The following SLC24A3 variants were observed in gnomAD, a reference collection of about 807,000 sequenced individuals.
The protein encoded by SLC24A3 is solute carrier family 24 member 3.
SLC24A3 carries 28 observed loss-of-function variants against 75.8 expected under a neutral mutation model. The observed-to-expected ratio is 0.37, with a 90% CI of 0.27 to 0.51. The LOEUF (loss-of-function observed/expected upper bound fraction) is 0.51. Among genes scored for constraint, SLC24A3 ranks in the 20% least tolerant of loss-of-function variants. SLC24A3 has a pLI of 0.94. For synonymous variants in SLC24A3, 372 were observed against 334.1 expected, an observed-to-expected ratio of 1.11 and a Z score of -1.24; for missense variants, 663 against 847.8, an observed-to-expected ratio of 0.78 and a Z score of 2.71.
intron 1 of SLC24A3, among the ~76,000 whole-genome samples, chr20:19,275,809 T>TC (rs982359359): frequency 6.6e-6 from 1 of 152,094 alleles, no homozygotes; most frequent in African/African-American, 2.4e-5. Flanking sequence ...TCCCGTGCTA[T>TC]CCCCATGGCC....
intron 1 of SLC24A3, among the ~76,000 whole-genome samples, chr20:19,272,566 A>G (rs148364784): frequency 5.2e-4 from 79 of 152,384 alleles, no homozygotes; most frequent in African/African-American, 1.8e-3. Flanking sequence ...CAAGGCTGTC[A>G]TGCAGACAGT....
intron 2 of SLC24A3, among the ~76,000 whole-genome samples, chr20:19,455,335 T>TAACC (rs1385703083): frequency 6.6e-6 from 1 of 152,208 alleles, no homozygotes; most frequent in African/African-American, 2.4e-5. Flanking sequence ...CACTATTAGG[T>TAACC]AACCAGATAA....
intron 1 of SLC24A3, among the ~76,000 whole-genome samples, chr20:19,231,715 A>G (rs937629100): frequency 1.3e-5 from 2 of 152,206 alleles, no homozygotes; most frequent in African/African-American, 4.8e-5. Context: ...AAAGCCAGTA[A>G]GTTTGTGGTA....
At chr20:19,335,416 G>A (rs1985108566) in intron 2 of SLC24A3, among the ~76,000 whole-genome samples, 1 of 152,220 alleles carries the variant, frequency 6.6e-6, no homozygotes, top group Non-Finnish European at 1.5e-5. Context: ...GAGGACCACT[G>A]TAGGAAATTG....
At chr20:19,332,422 G>A (rs1345402808) in intron 2 of SLC24A3, among the ~76,000 whole-genome samples, 1 of 152,048 alleles carries the variant, frequency 6.6e-6, no homozygotes, top group Admixed American at 6.5e-5. Context: ...GCATGATTCC[G>A]GCACACCATC....
At chr20:19,388,555 C>T (rs1986311501) in intron 2 of SLC24A3, among the ~76,000 whole-genome samples, 1 of 152,086 alleles carries the variant, frequency 6.6e-6, no homozygotes. Flanking sequence ...ACTAGAAATA[C>T]AAAAAATTAG....
Position 19,650,215 on chromosome 20 carries a change from C to T in SLC24A3, c.613-3847C>T, listed in dbSNP as rs137945733. ...TTGCTAAGGGTAGGCTCTGAATATG[C>T]GGCTGAAATTTGATTACAATCCAGA... On this transcript the variant is annotated intron_variant, in intron 6 of 16. Transcript: ENST00000328041. 3.8e-3 allele frequency among the ~76,000 whole-genome samples: 573 copies of T among 152,116 alleles called. 2 individuals carry two copies. The highest frequency in any genetic ancestry group is 9.1e-3 in the African/African-American group (376 of 41,476).
At chr20:19,433,313 A>C (rs1158850227) in intron 2 of SLC24A3, among the ~76,000 whole-genome samples, 4 of 152,228 alleles carry the variant, frequency 2.6e-5, no homozygotes, top group African/African-American at 9.6e-5. Context: ...TCTTACACAA[A>C]CTAATGAGCT....
intron 1 of SLC24A3, among the ~76,000 whole-genome samples, chr20:19,250,651 A>G (rs1982626543): frequency 6.6e-6 from 1 of 152,198 alleles, no homozygotes; most frequent in Non-Finnish European, 1.5e-5. Context: ...GAGCTTTTTA[A>G]AAATTTTTTA....
chr20:19,261,894 T>C (rs945502782), intron 1 of SLC24A3: 3 of 152,210 alleles, frequency 2.0e-5, no homozygotes, highest in African/African-American at 7.2e-5. Context: ...TAGAAAACAA[T>C]GCAAAATGCT....
In SLC24A3 at chr20:19,223,468, C is replaced by T. The variant is rs1233071400; in HGVS notation, c.142+10484C>T. Among the ~76,000 whole-genome samples the T allele has an allele frequency of 2.6e-5, 4 of 152,176 alleles. No homozygotes were observed. The East Asian group carries it at 7.7e-4, about 29-fold the overall frequency. Reference sequence around the variant, plus strand: ...ATTTGTATGGTAGTCCCTCAGTATCCATGGAGGATATGTTTCAAGACCTCC... The same window carrying T: ...ATTTGTATGGTAGTCCCTCAGTATCTATGGAGGATATGTTTCAAGACCTCC... On this transcript the variant is annotated intron_variant, in intron 1 of 16. Transcript: ENST00000328041.
At chr20:19,629,626 T>TG (rs1247388863) in intron 6 of SLC24A3, among the ~76,000 whole-genome samples, 2 of 152,116 alleles carry the variant, frequency 1.3e-5, no homozygotes, top group Non-Finnish European at 2.9e-5. Context: ...CTGTCAAAAG[T>TG]AAAGACATGA....
chr20:19,417,648 T>C (rs1224551432), intron 2 of SLC24A3, among the ~76,000 whole-genome samples: 1 of 152,200 alleles, frequency 6.6e-6, no homozygotes, highest in Non-Finnish European at 1.5e-5. Flanking sequence ...AGTTGTTTAT[T>C]AGGAACAATT....
At chr20:19,287,428 A>G (rs890634060) in intron 2 of SLC24A3, among the ~76,000 whole-genome samples, 1 of 152,238 alleles carries the variant, frequency 6.6e-6, no homozygotes, top group Non-Finnish European at 1.5e-5. Flanking sequence ...AGAAGAAGAA[A>G]CAGGTTTGGT....
intron 1 of SLC24A3, among the ~76,000 whole-genome samples, chr20:19,277,271 A>G (rs1179374596): frequency 6.6e-6 from 1 of 152,208 alleles, no homozygotes; most frequent in Non-Finnish European, 1.5e-5. Flanking sequence ...TAGTATTTCC[A>G]TGTAGGGTTT....
chr20:19,231,426 C>T (rs1982019722), intron 1 of SLC24A3, among the ~76,000 whole-genome samples: 2 of 152,148 alleles, frequency 1.3e-5, no homozygotes, highest in African/African-American at 4.8e-5. Flanking sequence ...GGGTGGGCTC[C>T]GTGCAATCAC....
At chr20:19,279,805 A>C (rs1983604975) in intron 1 of SLC24A3, among the ~76,000 whole-genome samples, 1 of 152,182 alleles carries the variant, frequency 6.6e-6, no homozygotes, top group South Asian at 2.1e-4. Flanking sequence ...TGGATGTCCA[A>C]GGTGATGCCC....
At chr20:19,698,717 G>T in intron 15 of SLC24A3, 37 bp downstream of exon 15, 1 of 1,486,844 alleles carries the variant, frequency 6.7e-7, no homozygotes, top group African/African-American at 1.4e-5. Flanking sequence ...CTGAAATCCA[G>T]GGCTACGTGA....
intron 7 of SLC24A3, among the ~76,000 whole-genome samples, chr20:19,659,219 G>A (rs552036858): frequency 6.6e-6 from 1 of 152,248 alleles, no homozygotes; most frequent in African/African-American, 2.4e-5. Flanking sequence ...AGCAGTTTGG[G>A]GGTCTTCAGG....
Sources: gnomAD v4.1 joint callset for allele counts (sites outside exome capture counted in the v4.1 genomes callset) on GRCh38, gnomAD v4.1.1 for gene constraint, MANE v1.5 for transcripts, NCBI Gene and HGNC (gene_info 2026-07-23, HGNC 2026-07-21) for gene names.